The following BANK1 variants were observed in gnomAD, a reference collection of about 807,000 sequenced individuals.
The protein encoded by BANK1 is B-cell scaffold protein with ankyrin repeats.
A neutral mutation model predicts 94.5 loss-of-function variants in BANK1; 95 were observed. The ratio of observed to expected loss-of-function variants is 1.00; its 90% CI spans 0.85 to 1.19. The LOEUF is 1.19. Among genes scored for constraint, BANK1 ranks in the 50% most tolerant of loss-of-function variants. The pLI, the probability that BANK1 is intolerant of heterozygous loss-of-function variation, is 0.00. For missense variants in BANK1, 987 were observed against 932.2 expected (o/e 1.06, Z -0.77); for synonymous variants, 334 against 308.4 (o/e 1.08, Z -0.87).
At position 101,829,825 on chromosome 4, in the gene BANK1, A is replaced by G. The variant is rs1326196762; in HGVS notation, c.88A>G (p.Ile30Val). ...TTTTCCAGGAAATACAAAAGATATA[A>G]TAATGATATATGAAGAAGATGCTGA... is the stretch of plus-strand genomic sequence containing the variant. ...PAPPGNTKDI[I>V]MIYEEDAEEW... is the part of the protein sequence containing the mutation. Residue 30 changes from isoleucine to valine, a missense_variant, in exon 2 of 17, where the codon ATA (isoleucine) becomes GTA (valine). Transcript: ENST00000322953. The G allele has an allele frequency of 2.6e-6, 4 of 1,550,184 alleles. No individual in the cohort carries two copies. The highest frequency in any genetic ancestry group is 1.4e-5 in the African/African-American group (1 of 71,978).
chr4:102,012,599 A>C (rs1194490064), intron 7 of BANK1, among the ~76,000 whole-genome samples: 1 of 152,182 alleles, frequency 6.6e-6, no homozygotes, highest in East Asian at 1.9e-4. Flanking sequence ...ACAACAAAAG[A>C]GTATAATCTG....
intron 6 of BANK1, among the ~76,000 whole-genome samples, chr4:101,917,644 G>C (rs573337847): frequency 1.3e-5 from 2 of 151,772 alleles, no homozygotes; most frequent in Non-Finnish European, 2.9e-5. Flanking sequence ...GCAGAATTTC[G>C]TTATTTAGCG....
At chr4:102,021,753 C>T (rs1726909478) in intron 8 of BANK1, among the ~76,000 whole-genome samples, 161 bp downstream of exon 8, 1 of 152,034 alleles carries the variant, frequency 6.6e-6, no homozygotes, top group Non-Finnish European at 1.5e-5. Context: ...GACACTACTA[C>T]ATCATATTCC....
intron 7 of BANK1, 54 bp from the exon 8 acceptor site, chr4:102,021,460 C>T: frequency 1.5e-6 from 1 of 664,464 alleles, no homozygotes; most frequent in Admixed American, 3.0e-5. Context: ...CACAGGCATC[C>T]AGTGCATATT....
intron 7 of BANK1, among the ~76,000 whole-genome samples, chr4:102,001,318 T>C (rs1425212470): frequency 6.6e-6 from 1 of 152,168 alleles, no homozygotes; most frequent in African/African-American, 2.4e-5. Flanking sequence ...TAAAGACACC[T>C]GGGCTGGGCG....
At chr4:102,015,172 T>C (rs1726652041) in intron 7 of BANK1, among the ~76,000 whole-genome samples, 1 of 152,096 alleles carries the variant, frequency 6.6e-6, no homozygotes, top group African/African-American at 2.4e-5. Flanking sequence ...CATGTCAGGC[T>C]TATTTAAATT....
At chr4:101,943,993 G>T (rs2148911273) in intron 7 of BANK1, among the ~76,000 whole-genome samples, 1 of 151,246 alleles carries the variant, frequency 6.6e-6, no homozygotes, top group South Asian at 2.1e-4. Flanking sequence ...CCTGGTATTT[G>T]TAGATAACCA....
At chr4:101,819,822 G>T (rs186849596) in intron 1 of BANK1, among the ~76,000 whole-genome samples, 9 of 150,604 alleles carry the variant, frequency 6.0e-5, no homozygotes, top group African/African-American at 1.9e-4. Flanking sequence ...TAGAGTAGAG[G>T]TCAGCAAATG....
chr4:102,029,332 G>A (rs1349859583), intron 9 of BANK1, among the ~76,000 whole-genome samples: 1 of 151,666 alleles, frequency 6.6e-6, no homozygotes, highest in East Asian at 1.9e-4. Flanking sequence ...GTCATTTTCA[G>A]AGAAATTAAA....
At chr4:101,876,923 G>T (rs932617714) in intron 5 of BANK1, among the ~76,000 whole-genome samples, 1 of 152,020 alleles carries the variant, frequency 6.6e-6, no homozygotes, top group Admixed American at 6.6e-5. Flanking sequence ...ATGCCTCAGA[G>T]TCTTTTAATA....
intron 7 of BANK1, among the ~76,000 whole-genome samples, chr4:102,008,009 G>A (rs543450408): frequency 2.0e-5 from 3 of 152,194 alleles, no homozygotes; most frequent in Non-Finnish European, 4.4e-5. Flanking sequence ...ACTTTAAACT[G>A]TAGTCAAATA....
intron 1 of BANK1, among the ~76,000 whole-genome samples, chr4:101,805,497 T>G (rs1725519783): frequency 6.6e-6 from 1 of 151,942 alleles, no homozygotes; most frequent in Admixed American, 6.6e-5. Flanking sequence ...GCTAATTAAG[T>G]ATCTGAAAAA....
At chr4:102,032,234 G>T (rs529872868) in intron 10 of BANK1, 1 of 152,098 alleles carries the variant, frequency 6.6e-6, no homozygotes, top group Non-Finnish European at 1.5e-5. Flanking sequence ...CCAATGCCTA[G>T]GGAGTTTCTC....
At chr4:101,835,238 C>A (rs1726778824) in intron 2 of BANK1, among the ~76,000 whole-genome samples, 2 of 152,176 alleles carry the variant, frequency 1.3e-5, no homozygotes, top group Non-Finnish European at 2.9e-5. Flanking sequence ...AAATCAACTG[C>A]CGTTTCTGAA....
rs531623324 is a variant in BANK1 at position 101,907,583 on chromosome 4, G to A, written c.1010-10410G>A. 6.3e-4 allele frequency among the ~76,000 whole-genome samples: 96 copies of A among 152,158 alleles called. 2 individuals are homozygous for A. The highest frequency in any genetic ancestry group is 5.8e-3 in the Admixed American group (89 of 15,278). ...AATCAGGCAGGAGAAAGAAATAAAG[G>A]GTATTCAATTAGGAAAAGAGGAAGT... On this transcript the variant is annotated intron_variant, in intron 6 of 16. Transcript: ENST00000322953.
At chr4:101,982,364 TG>T (rs1169634079) in intron 7 of BANK1, among the ~76,000 whole-genome samples, 1 of 151,976 alleles carries the variant, frequency 6.6e-6, no homozygotes, top group Non-Finnish European at 1.5e-5. Context: ...TCAATCTTTT[TG>T]TAGAAATAAA....
At chr4:102,039,145 GTAA>G (rs1254954312) in intron 10 of BANK1, among the ~76,000 whole-genome samples, 4 of 152,148 alleles carry the variant, frequency 2.6e-5, no homozygotes, top group Admixed American at 2.6e-4. Context: ...CTGCCATGCA[GTAA>G]ACTGGTTTCA....
intron 8 of BANK1, among the ~76,000 whole-genome samples, chr4:102,024,713 T>G (rs1727019962): frequency 6.6e-6 from 1 of 152,086 alleles, no homozygotes; most frequent in Non-Finnish European, 1.5e-5. Context: ...CTATAAGGAA[T>G]TATAAAATTA....
chr4:101,882,414 C>T (rs1728710264), intron 5 of BANK1, among the ~76,000 whole-genome samples: 2 of 152,022 alleles, frequency 1.3e-5, no homozygotes, highest in Non-Finnish European at 2.9e-5. Context: ...CATTTTCTAC[C>T]TTAGTAATAC....
Sources: allele counts gnomAD v4.1 joint callset (sites outside exome capture counted in the v4.1 genomes callset), GRCh38; gene constraint gnomAD v4.1.1; transcripts MANE v1.5; gene names NCBI Gene and HGNC (gene_info 2026-07-23, HGNC 2026-07-21).